GGA1: variants seen among roughly 807,000 people sequenced by gnomAD.
GGA1 encodes the protein ADP-ribosylation factor-binding protein GGA1.
A neutral mutation model predicts 76.9 loss-of-function variants in GGA1; 18 were observed. The observed-to-expected ratio is 0.23, with a 90% CI of 0.16 to 0.35. GGA1 has a LOEUF of 0.35. GGA1 is among the 10% of genes least tolerant of loss of function. The probability of loss-of-function intolerance (pLI) is 1.00; values close to 1 mark genes in which losing one functional copy is unlikely to be tolerated. For synonymous variants in GGA1, 342 were observed against 354.7 expected (o/e 0.96, Z 0.40); for missense variants, 755 against 859.0 (o/e 0.88, Z 1.51).
chr22:37,629,894 C>T, intron 12 of GGA1, 104 bp from the exon 13 acceptor site: 1 of 849,164 alleles, frequency 1.2e-6, no homozygotes, highest in Non-Finnish European at 1.8e-6. Flanking sequence ...TGGCTGCTTT[C>T]CCAGATGTCA....
chr22:37,626,416 T>G, intron 11 of GGA1: 1 of 152,396 alleles, frequency 6.6e-6, no homozygotes, highest in Non-Finnish European at 1.5e-5. Flanking sequence ...GGCCTGCTGT[T>G]ACTCCCGGGC....
intron 11 of GGA1, chr22:37,626,218 G>A (rs1165162593): frequency 8.8e-6 from 3 of 339,074 alleles, no homozygotes; most frequent in African/African-American, 2.1e-5. Context: ...GGCAGCCTGG[G>A]GGGAAACCAG....
intron 12 of GGA1, 83 bp downstream of exon 12, chr22:37,629,609 A>C: frequency 1.2e-6 from 1 of 839,054 alleles, no homozygotes; most frequent in Non-Finnish European, 1.8e-6. Context: ...AGAAACTAAA[A>C]GGATGGATGG....
chr22:37,629,541 C>A lies in GGA1; in HGVS notation c.1158+15C>A, dbSNP rs373167648. 2.0e-6 allele frequency: 3 copies of A among 1,532,922 alleles called. No individual in the cohort carries two copies. Among genetic ancestry groups the A allele is most frequent in the African/African-American group, 1.4e-5 (1 of 71,116 alleles). 95.0% of individuals were successfully genotyped at this position (1,532,922 alleles called of 1,614,324 possible). A position where few individuals can be genotyped will look rare whatever the true frequency, so the allele number is the denominator to read the frequency against. On this transcript the variant is annotated intron_variant, in intron 12 of 16. Coordinates refer to ENST00000343632, the MANE Select transcript of GGA1 (RefSeq NM_013365.5). ...ACAGCTTCCAGGTAGGAGGGGACCA[C>A]AAACTAGTCTGGCCTGTCCCAGTCC... is the stretch of plus-strand genomic sequence containing the variant.
chr22:37,619,765 A>G (rs758543686), intron 4 of GGA1: 14 of 777,710 alleles, frequency 1.8e-5, no homozygotes, highest in Non-Finnish European at 3.4e-5. Flanking sequence ...GAGCTACTGA[A>G]TAATCCATAT....
Position 37,632,917 on chromosome 22 carries a change from C to G in GGA1, c.*206C>G. ...CTGCTGAGCCAAACCCAGTAGGAGG[C>G]TGGGCCTGGGTTTGTGCCGCTGGGG... On this transcript the variant is annotated 3_prime_UTR_variant, in exon 17 of 17. Coordinates refer to ENST00000343632, the MANE Select transcript of GGA1 (RefSeq NM_013365.5). The surrounding 1 kb of genome is among the most constrained non-coding windows in gnomAD (Gnocchi z 5.1). 1 of 578,102 alleles carries G rather than the reference C, an allele frequency of 1.7e-6. No homozygotes were observed. 35.8% of individuals were successfully genotyped at this position (578,102 alleles called of 1,614,324 possible).
chr22:37,621,658 C>T lies in GGA1; in HGVS notation c.571C>T (p.Arg191Cys), dbSNP rs1002304134. Residue 191 changes from arginine to cysteine, a missense_variant, in exon 7 of 17, where the codon CGC becomes TGC. Arg to Cys is a radical substitution (Grantham distance 180). Transcript: ENST00000343632. ...LLKSSHPEDLRAANKLIKEMV... is the reference protein window; with the variant it reads ...LLKSSHPEDLCAANKLIKEMV... ...GAAGAGCTCCCATCCCGAAGACCTC[C>T]GCGCAGCCAATAAGCTCATCAAAGA... 19 of 1,555,266 alleles carry T rather than the reference C, an allele frequency of 1.2e-5. No individual in the cohort carries two copies. The highest frequency in any genetic ancestry group is 1.7e-4 in the Middle Eastern group (1 of 6,000).
In GGA1 at chr22:37,630,984, C is replaced by T. The variant is rs778022259; in HGVS notation, c.1413C>T (p.Ser471=). ...KSSSCSSPSS[S]ATSLLHTVSP... is the part of the protein sequence containing the mutation. ...GCAGCTGCAGCTCCCCCAGCTCCAG[C>T]GCCACCAGCCTTCTCCACACCGTGT... The change falls in exon 14 of 17, where the codon AGC becomes AGT. Residue 471 remains serine, a synonymous_variant. Coordinates refer to ENST00000343632, the MANE Select transcript of GGA1 (RefSeq NM_013365.5). 1.9e-5 allele frequency: 31 copies of T among 1,613,266 alleles called. No individual in the cohort carries two copies. Among genetic ancestry groups the T allele is most frequent in the South Asian group, 5.5e-5 (5 of 91,056 alleles).
chr22:37,630,037 C>G lies in GGA1; in HGVS notation c.1198C>G (p.Gln400Glu), dbSNP rs1568993044. 1 of 1,598,810 alleles carries G rather than the reference C, an allele frequency of 6.3e-7. No homozygotes were observed. The change falls in exon 13 of 17, where the codon CAG (glutamine) becomes GAG (glutamate). Residue 400 changes from glutamine (Q) to glutamate (E), a missense_variant. Gln to Glu is a conservative substitution (Grantham distance 29, BLOSUM62 2). Transcript: ENST00000343632. ...ATEPPAPALAQAPSMESRPPA... is the reference protein window; with the variant it reads ...ATEPPAPALAEAPSMESRPPA... ...TGAGCCCCCAGCCCCTGCTCTGGCCCAGGCCCCCAGTATGGAAAGCCGACC... is the reference window on the plus strand; with the variant it reads ...TGAGCCCCCAGCCCCTGCTCTGGCCGAGGCCCCCAGTATGGAAAGCCGACC...
At chr22:37,626,111 CG>C in intron 11 of GGA1, 162 bp downstream of exon 11, 1 of 480,290 alleles carries the variant, frequency 2.1e-6, no homozygotes, top group East Asian at 3.4e-5. Flanking sequence ...AACTGAGGCT[CG>C]GGGAAGTTAG....
chr22:37,615,648 C>T (rs1928631837), intron 2 of GGA1, among the ~76,000 whole-genome samples: 1 of 151,176 alleles, frequency 6.6e-6, no homozygotes, highest in Admixed American at 6.6e-5. Context: ...CCTGTAGTCC[C>T]AGCTACTCGG....
chr22:37,625,722 TC>T lies in GGA1; in HGVS notation c.941-70del. 2.5e-6 allele frequency: 3 copies of T among 1,180,520 alleles called. No individual in the cohort carries two copies. The allele number at this position is 1,180,520 out of a possible 1,614,324, so 73.1% of individuals were successfully genotyped here. ...TAAAGCATCGGGGGTTAGGTGTTGC[TC>T]CCCCGCAACCCCTGTGGACTCTGAG... On this transcript the variant is annotated intron_variant, in intron 10 of 16. Coordinates refer to ENST00000343632, the MANE Select transcript of GGA1 (RefSeq NM_013365.5). This position sits in a 1 kb window ranked among gnomAD's most constrained non-coding sequence, Gnocchi z 4.1.
intron 1 of GGA1, chr22:37,610,210 G>A (rs1472728002): frequency 6.6e-6 from 1 of 152,252 alleles, no homozygotes; most frequent in African/African-American, 2.4e-5. Context: ...CCAGGCAGAA[G>A]TTAGAGATAC....
intron 5 of GGA1, among the ~76,000 whole-genome samples, 196 bp from the exon 6 acceptor site, chr22:37,620,617 C>T (rs1174229888): frequency 6.6e-6 from 1 of 152,110 alleles, no homozygotes; most frequent in African/African-American, 2.4e-5. Flanking sequence ...AATATGGGTC[C>T]CCAAACCATC....
At chr22:37,610,347 TTC>T (rs1248250616) in intron 1 of GGA1, 1 of 148,538 alleles carries the variant, frequency 6.7e-6, no homozygotes, top group African/African-American at 2.6e-5. Flanking sequence ...GGATAGCTTC[TTC>T]TTTTTTTTTT....
chr22:37,632,129 C>T lies in GGA1; in HGVS notation c.1662C>T (p.Pro554=). The T allele has an allele frequency of 6.2e-7, 1 of 1,613,590 alleles. No homozygotes were observed. The highest frequency in any genetic ancestry group is 2.2e-5 in the East Asian group (1 of 44,880). ...CCATGCTGAGCACCGCCCCCCAGCC[C>T]ATCCGCAACATCGTGTTCCAGTCAG... ...VVSMLSTAPQ[P]IRNIVFQSAV... is the part of the protein sequence containing the mutation. The change falls in exon 15 of 17, where the codon CCC becomes CCT. Residue 554 remains proline (P), a synonymous_variant. Coordinates refer to ENST00000343632, the MANE Select transcript of GGA1 (RefSeq NM_013365.5). The surrounding 1 kb of genome is among the most constrained non-coding windows in gnomAD (Gnocchi z 5.1).
At chr22:37,631,281 C>G (rs981028743) in intron 14 of GGA1, among the ~76,000 whole-genome samples, 182 bp downstream of exon 14, 2 of 152,180 alleles carry the variant, frequency 1.3e-5, no homozygotes, top group African/African-American at 4.8e-5. Context: ...TGCCCCAGAG[C>G]AATCAGAGGA....
chr22:37,630,958 A>G lies in GGA1; in HGVS notation c.1387A>G (p.Ser463Gly), dbSNP rs201140527. The change falls in exon 14 of 17, where the codon AGC (serine) becomes GGC (glycine). Residue 463 changes from serine (S) to glycine (G), a missense_variant. Ser to Gly is a moderately conservative substitution (Grantham distance 56). Transcript: ENST00000343632. ...ACTCCGGGACCTGCAGAATAAGAGC[A>G]GCAGCTGCAGCTCCCCCAGCTCCAG... ...LTLRDLQNKS[S>G]SCSSPSSSAT... The G allele has an allele frequency of 3.2e-5, 51 of 1,613,134 alleles. No homozygotes were observed. The East Asian group carries it at 1.1e-3, about 35-fold the overall frequency.
At chr22:37,618,201 G>C (rs1234679934) in intron 3 of GGA1, 3 of 406,568 alleles carry the variant, frequency 7.4e-6, no homozygotes, top group African/African-American at 4.0e-5. Context: ...AGCTATGAAT[G>C]GGACTAGAGC....
Sources: gnomAD v4.1 joint callset for allele counts (sites outside exome capture counted in the v4.1 genomes callset) on GRCh38, gnomAD v4.1.1 for gene constraint, Gnocchi (gnomAD v3.1) non-coding constraint, MANE v1.5 for transcripts, NCBI Gene and HGNC (gene_info 2026-07-23, HGNC 2026-07-21) for gene names.